PCCA: variants seen among roughly 807,000 people sequenced by gnomAD.
The protein encoded by PCCA is propionyl-CoA carboxylase subunit alpha, also known as propionyl-CoA carboxylase alpha chain, mitochondrial.
In PCCA, 74 loss-of-function variants were observed where a neutral mutation model predicts 101.3. The observed-to-expected ratio is 0.73, with a 90% CI of 0.61 to 0.89. The LOEUF is 0.89. Ranked by LOEUF, PCCA falls within the 40% of genes least tolerant of loss-of-function variation. The pLI is 0.00. For missense variants in PCCA, 891 were observed against 907.0 expected (o/e 0.98, Z 0.23); for synonymous variants, 294 against 313.6 (o/e 0.94, Z 0.66).
intron 2 of PCCA, among the ~76,000 whole-genome samples, chr13:100,106,844 T>G (rs149153175): frequency 2.4e-4 from 37 of 152,358 alleles, no homozygotes; most frequent in African/African-American, 7.7e-4. Flanking sequence ...GCCATCTCCT[T>G]TGCTGTGCCC....
At chr13:100,338,740 C>G (rs974863659) in intron 17 of PCCA, among the ~76,000 whole-genome samples, 2 of 148,470 alleles carry the variant, frequency 1.3e-5, no homozygotes, top group Non-Finnish European at 3.0e-5. Flanking sequence ...GTTGGTAGAT[C>G]CCATATTTGT....
intron 23 of PCCA, among the ~76,000 whole-genome samples, chr13:100,529,580 A>G (rs2088201570): frequency 6.6e-6 from 1 of 152,328 alleles, no homozygotes; most frequent in Non-Finnish European, 1.5e-5. Flanking sequence ...CCACCTGCCA[A>G]GGACTCCATT....
chr13:100,416,598 T>C (rs992146991), intron 19 of PCCA, among the ~76,000 whole-genome samples: 5 of 151,826 alleles, frequency 3.3e-5, no homozygotes, highest in African/African-American at 1.2e-4. Context: ...AATGGCACGA[T>C]CTCAGCTCAC....
intron 4 of PCCA, among the ~76,000 whole-genome samples, chr13:100,141,053 T>C (rs1485148359): frequency 6.6e-6 from 1 of 152,210 alleles, no homozygotes; most frequent in African/African-American, 2.4e-5. Context: ...CTATTAATGA[T>C]GCAGTATAGC....
At position 100,152,636 on chromosome 13, in the gene PCCA, CG is replaced by C. The variant is rs1048648644; in HGVS notation, c.301-2339del. 9.6e-4 allele frequency among the ~76,000 whole-genome samples: 146 copies of C among 152,050 alleles called. 1 individual carries two copies. The highest frequency in any genetic ancestry group is 3.2e-3 in the African/African-American group (133 of 41,462). On this transcript the variant is annotated intron_variant, in intron 4 of 23. Transcript: ENST00000376285. ...TAATTTTTTGTGTTTTTAGTAGAAACGGGGTTTCACCATGTTAGCCAGGATG... is the reference window on the plus strand; with the variant it reads ...TAATTTTTTGTGTTTTTAGTAGAAACGGGTTTCACCATGTTAGCCAGGATG...
chr13:100,306,238 C>T (rs1046455226), intron 14 of PCCA, among the ~76,000 whole-genome samples: 2 of 152,342 alleles, frequency 1.3e-5, no homozygotes, highest in South Asian at 2.1e-4. Context: ...TGGAAGGCTA[C>T]GTGAGCTTCC....
At chr13:100,418,445 ACTT>A (rs1450944237) in intron 19 of PCCA, among the ~76,000 whole-genome samples, 1 of 152,034 alleles carries the variant, frequency 6.6e-6, no homozygotes, top group Non-Finnish European at 1.5e-5. Flanking sequence ...AGCTGACACT[ACTT>A]CTGAATGTCC....
chr13:100,372,771 G>A (rs1031315882), intron 19 of PCCA, among the ~76,000 whole-genome samples: 13 of 151,986 alleles, frequency 8.6e-5, no homozygotes, highest in African/African-American at 2.9e-4. Flanking sequence ...AGACAGTCTC[G>A]CTCTGTCACC....
chr13:100,216,235 A>T (rs944354114), intron 7 of PCCA, among the ~76,000 whole-genome samples: 1 of 152,204 alleles, frequency 6.6e-6, no homozygotes, highest in Non-Finnish European at 1.5e-5. Context: ...GGAGAAGAGC[A>T]AAGCATATTA....
intron 18 of PCCA, among the ~76,000 whole-genome samples, chr13:100,352,276 T>C (rs544883690): frequency 4.6e-5 from 7 of 152,236 alleles, no homozygotes; most frequent in Non-Finnish European, 1.0e-4. Flanking sequence ...AGACACACTT[T>C]AGAGTTAAAG....
At chr13:100,396,299 C>A (rs1399107590) in intron 19 of PCCA, among the ~76,000 whole-genome samples, 1 of 152,124 alleles carries the variant, frequency 6.6e-6, no homozygotes, top group East Asian at 1.9e-4. Context: ...GTTATCTTTT[C>A]TTAGCCTTAG....
chr13:100,232,506 A>G (rs1042697039), intron 7 of PCCA, among the ~76,000 whole-genome samples: 1 of 151,844 alleles, frequency 6.6e-6, no homozygotes, highest in African/African-American at 2.4e-5. Context: ...TCAGCCTCCC[A>G]AGTAGCTGGG....
intron 6 of PCCA, among the ~76,000 whole-genome samples, chr13:100,159,343 C>T (rs1438510343): frequency 6.6e-6 from 1 of 152,010 alleles, no homozygotes; most frequent in Non-Finnish European, 1.5e-5. Context: ...CCCACCTCAG[C>T]TTCCCAAAGT....
intron 2 of PCCA, among the ~76,000 whole-genome samples, chr13:100,108,026 C>A (rs1357479620): frequency 6.6e-6 from 1 of 152,140 alleles, no homozygotes; most frequent in East Asian, 1.9e-4. Context: ...GCAAGTGACC[C>A]AGTGTCCAGA....
chr13:100,351,607 C>T (rs2073273088), intron 18 of PCCA, among the ~76,000 whole-genome samples: 1 of 152,010 alleles, frequency 6.6e-6, no homozygotes, highest in South Asian at 2.1e-4. Context: ...GGTGAAGTAA[C>T]GAGATGTACT....
At chr13:100,515,275 T>C in intron 21 of PCCA, 152 bp from the exon 22 acceptor site, 1 of 712,092 alleles carries the variant, frequency 1.4e-6, no homozygotes, top group Non-Finnish European at 2.5e-6. Flanking sequence ...AACAAATATA[T>C]TTTGATGTGT....
intron 15 of PCCA, among the ~76,000 whole-genome samples, chr13:100,309,578 T>C (rs1261945607): frequency 3.9e-5 from 6 of 152,198 alleles, no homozygotes; most frequent in Non-Finnish European, 8.8e-5. Context: ...TACTTACTTT[T>C]GTTACGTTTT....
At chr13:100,139,625 A>G (rs2051619475) in intron 4 of PCCA, among the ~76,000 whole-genome samples, 1 of 151,960 alleles carries the variant, frequency 6.6e-6, no homozygotes, top group Non-Finnish European at 1.5e-5. Flanking sequence ...CAAAGTTTCC[A>G]TTTGTTTCAA....
At chr13:100,468,700 T>C (rs765042845) in intron 21 of PCCA, among the ~76,000 whole-genome samples, 8 of 152,112 alleles carry the variant, frequency 5.3e-5, no homozygotes, top group Admixed American at 1.3e-4. Flanking sequence ...CTTAAGTGAA[T>C]GTTGTGGCTG....
Sources: gnomAD v4.1 joint callset for allele counts (sites outside exome capture counted in the v4.1 genomes callset) on GRCh38, gnomAD v4.1.1 for gene constraint, MANE v1.5 for transcripts, NCBI Gene and HGNC (gene_info 2026-07-23, HGNC 2026-07-21) for gene names.